The following C2CD5 variants were observed in gnomAD, a reference collection of about 807,000 sequenced individuals.
C2CD5 encodes C2 calcium dependent domain containing 5.
C2CD5 carries 109 observed loss-of-function variants against 130.3 expected under a neutral mutation model. The observed-to-expected ratio is 0.84, with a 90% CI of 0.72 to 0.98. The LOEUF (loss-of-function observed/expected upper bound fraction) is 0.98. C2CD5 is among the 50% of genes least tolerant of loss of function. The pLI is 0.00. For missense variants in C2CD5, 996 were observed against 1,261.8 expected, an observed-to-expected ratio of 0.79 and a Z score of 3.19; for synonymous variants, 454 against 429.2, an observed-to-expected ratio of 1.06 and a Z score of -0.71.
At chr12:22,513,025 A>G (rs1949358323) in intron 9 of C2CD5, among the ~76,000 whole-genome samples, 1 of 152,108 alleles carries the variant, frequency 6.6e-6, no homozygotes, top group Non-Finnish European at 1.5e-5. Context: ...ATGGAAAATT[A>G]CTTCAGCATT....
rs1436651358 is a variant in C2CD5, at chr12:22,458,564, G to T, written c.2606C>A (p.Ser869Tyr). The change falls in exon 24 of 27, where the codon TCC becomes TAC. Residue 869 changes from serine to tyrosine, a missense_variant. Physicochemically the swap from Ser to Tyr is moderately radical, Grantham distance 144. Transcript: ENST00000446597. ...CCAGCTGCTGCATCTGTCTGCAAAGGAACTGTAATCAACTGACGTTGCTGA... is the reference window on the plus strand; with the variant it reads ...CCAGCTGCTGCATCTGTCTGCAAAGTAACTGTAATCAACTGACGTTGCTGA... ...AQRATSVDYS[S>Y]FADRCSSWIE... 3 of 1,288,252 alleles carry T rather than the reference G, an allele frequency of 2.3e-6. No individual in the cohort carries two copies. Among genetic ancestry groups the T allele is most frequent in the Non-Finnish European group, 3.0e-6 (3 of 1,016,526 alleles). 79.8% of individuals were successfully genotyped at this position (1,288,252 alleles called of 1,614,324 possible). A position where few individuals can be genotyped will look rare whatever the true frequency, so the allele number is the denominator to read the frequency against.
chr12:22,521,079 T>G (rs1430228955), intron 7 of C2CD5, among the ~76,000 whole-genome samples: 1 of 152,118 alleles, frequency 6.6e-6, no homozygotes, highest in African/African-American at 2.4e-5. Flanking sequence ...GTCAATAACA[T>G]AATCTAAACC....
At chr12:22,512,064 G>A (rs1369750411) in intron 9 of C2CD5, among the ~76,000 whole-genome samples, 1 of 152,174 alleles carries the variant, frequency 6.6e-6, no homozygotes, top group African/African-American at 2.4e-5. Context: ...GGTGGCAGTT[G>A]TAGGTTTGCC....
intron 25 of C2CD5, among the ~76,000 whole-genome samples, chr12:22,454,487 T>G (rs1247171089): frequency 1.3e-5 from 2 of 152,106 alleles, no homozygotes; most frequent in Non-Finnish European, 2.9e-5. Flanking sequence ...CAATCAAACT[T>G]GCCTTTTTTT....
At chr12:22,508,714 T>C (rs1391189709) in intron 9 of C2CD5, among the ~76,000 whole-genome samples, 2 of 152,142 alleles carry the variant, frequency 1.3e-5, no homozygotes, top group African/African-American at 2.4e-5. Flanking sequence ...GAGAAACGTA[T>C]AGGTAAGCTT....
chr12:22,458,239 T>C (rs1362391582), intron 24 of C2CD5, among the ~76,000 whole-genome samples: 2 of 152,196 alleles, frequency 1.3e-5, no homozygotes, highest in African/African-American at 4.8e-5. Context: ...TATCTATTTA[T>C]ATACTTTTAA....
chr12:22,478,138 A>G (rs1396855874), intron 15 of C2CD5, 175 bp downstream of exon 15: 1 of 598,166 alleles, frequency 1.7e-6, no homozygotes, highest in Non-Finnish European at 3.0e-6. Flanking sequence ...GGATCGTTAG[A>G]GTAGGCTTAC....
In C2CD5 at chr12:22,472,789, T is replaced by C. The variant is rs765943861; in HGVS notation, c.2062A>G (p.Met688Val). ...GTAAGTAGAGAATGGACATCTTCCA[T>C]GGCATCTGTGTCATCAATCTTAAAA... ...FVLEIDDTDA[M>V]EDVHSLLTDV... The change falls in exon 17 of 27, where the codon ATG (methionine) becomes GTG (valine). Residue 688 changes from methionine (M) to valine (V), a missense_variant. Coordinates refer to ENST00000446597, the MANE Select transcript of C2CD5 (RefSeq NM_001286176.2). 1.7e-5 allele frequency: 26 copies of C among 1,570,776 alleles called. No homozygotes were observed. The highest frequency in any genetic ancestry group is 2.3e-5 in the Non-Finnish European group (26 of 1,140,878).
intron 2 of C2CD5, among the ~76,000 whole-genome samples, chr12:22,542,385 TATAA>T (rs1271998259): frequency 1.3e-5 from 2 of 152,240 alleles, no homozygotes; most frequent in Non-Finnish European, 2.9e-5. Flanking sequence ...TGTCGCTCCT[TATAA>T]ATATTACAGA....
chr12:22,491,094 A>C (rs1487776307), intron 11 of C2CD5, among the ~76,000 whole-genome samples: 1 of 152,206 alleles, frequency 6.6e-6, no homozygotes, highest in East Asian at 1.9e-4. Context: ...TGCATTTCAG[A>C]GAGTTTAATC....
chr12:22,467,591 CAT>C (rs1283850459), intron 22 of C2CD5, among the ~76,000 whole-genome samples: 11 of 152,270 alleles, frequency 7.2e-5, no homozygotes, highest in Middle Eastern at 3.4e-3. Flanking sequence ...AATCTTTTCA[CAT>C]TTTACAAAGG....
chr12:22,493,780 G>T (rs749753904), intron 10 of C2CD5, among the ~76,000 whole-genome samples: 31 of 151,572 alleles, frequency 2.0e-4, no homozygotes, highest in Non-Finnish European at 4.3e-4. Context: ...TCACTATATT[G>T]TGGGTTCTTT....
intron 12 of C2CD5, among the ~76,000 whole-genome samples, chr12:22,485,136 T>A (rs1945305154): frequency 6.6e-6 from 1 of 152,112 alleles, no homozygotes; most frequent in African/African-American, 2.4e-5. Context: ...ATTTATTTGT[T>A]TGATGACTTA....
chr12:22,503,801 C>T lies in C2CD5; in HGVS notation c.1147+2910G>A, dbSNP rs534959944. ...TGTTGGGATTACAGGTGTAAGCAAC[C>T]GTGCCCAGTCAGAATGTGATACTTT... On this transcript the variant is annotated intron_variant, in intron 10 of 26. Coordinates refer to ENST00000446597, the MANE Select transcript of C2CD5 (RefSeq NM_001286176.2). Among the ~76,000 whole-genome samples the T allele has an allele frequency of 1.0e-3, 159 of 152,172 alleles. 1 individual carries two copies. The highest frequency in any genetic ancestry group is 3.5e-3 in the African/African-American group (146 of 41,528).
chr12:22,449,846 G>A lies in C2CD5; in HGVS notation c.3070C>T (p.Arg1024Cys), dbSNP rs770702545. ...NVSGDAVVFV[R>C]ESDLEVVSSQ... is the part of the protein sequence containing the mutation. The stretch of plus-strand genomic sequence containing the variant: ...GACACCACTTCTAAGTCAGATTCAC[G>A]AACAAAAACCACTGCATCACCACTT... Residue 1024 changes from arginine to cysteine, a missense_variant, in exon 27 of 27, where the codon CGT (arginine) becomes TGT (cysteine). Coordinates refer to ENST00000446597, the MANE Select transcript of C2CD5 (RefSeq NM_001286176.2). The A allele has an allele frequency of 2.1e-5, 34 of 1,610,200 alleles. No individual in the cohort carries two copies. Among genetic ancestry groups the A allele is most frequent in the Non-Finnish European group, 2.8e-5 (33 of 1,177,210 alleles).
chr12:22,529,829 C>G (rs1411160906), intron 3 of C2CD5, among the ~76,000 whole-genome samples: 1 of 151,766 alleles, frequency 6.6e-6, no homozygotes, highest in African/African-American at 2.4e-5. Flanking sequence ...AGCTCCTCCT[C>G]CTGGACTCCC....
intron 4 of C2CD5, 82 bp from the exon 5 acceptor site, chr12:22,525,787 A>C: frequency 1.3e-6 from 1 of 753,736 alleles, no homozygotes; most frequent in Non-Finnish European, 2.3e-6. Context: ...AATGCTAAAT[A>C]ATGATTTTAA....
At chr12:22,542,662 T>C (rs1385976115) in intron 2 of C2CD5, among the ~76,000 whole-genome samples, 1 of 152,234 alleles carries the variant, frequency 6.6e-6, no homozygotes, top group African/African-American at 2.4e-5. Flanking sequence ...CATATTCTAA[T>C]ACAATACTCA....
At chr12:22,522,074 C>T (rs1950319991) in intron 7 of C2CD5, among the ~76,000 whole-genome samples, 1 of 152,178 alleles carries the variant, frequency 6.6e-6, no homozygotes, top group African/African-American at 2.4e-5. Context: ...AACACAGTCA[C>T]ACTGTATTCA....
Sources: gnomAD v4.1 joint callset for allele counts (sites outside exome capture counted in the v4.1 genomes callset) on GRCh38, gnomAD v4.1.1 for gene constraint, MANE v1.5 for transcripts, NCBI Gene and HGNC (gene_info 2026-07-23, HGNC 2026-07-21) for gene names.